Variants in MYLK observed in about 807,000 individuals in gnomAD.
MYLK encodes myosin light chain kinase.
In MYLK, 106 loss-of-function variants were observed where a neutral mutation model predicts 203.4. That is an observed-to-expected ratio of 0.52 (90% CI 0.45 to 0.61). The LOEUF is 0.61. MYLK is among the 20% of genes least tolerant of loss of function. The pLI, the probability that MYLK is intolerant of heterozygous loss-of-function variation, is 0.00. For synonymous variants in MYLK, 867 were observed against 959.5 expected, an observed-to-expected ratio of 0.90 and a Z score of 1.78; for missense variants, 2,072 against 2,442.3, an observed-to-expected ratio of 0.85 and a Z score of 3.20.
At chr3:123,649,764 T>C (rs776362417) in intron 24 of MYLK, among the ~76,000 whole-genome samples, 12 of 152,192 alleles carry the variant, frequency 7.9e-5, no homozygotes, top group Non-Finnish European at 1.6e-4. Context: ...GAAGTAACAA[T>C]TTACAAAGTG....
At chr3:123,801,879 T>G (rs1294045769) in intron 3 of MYLK, among the ~76,000 whole-genome samples, 1 of 152,206 alleles carries the variant, frequency 6.6e-6, no homozygotes, top group Admixed American at 6.5e-5. Context: ...AATAGCACTG[T>G]GAAGAACATA....
At chr3:123,701,056 G>A in intron 17 of MYLK, 51 bp from the exon 18 acceptor site, 1 of 1,356,992 alleles carries the variant, frequency 7.4e-7, no homozygotes, top group Non-Finnish European at 9.7e-7. Context: ...AAGGGGCTGG[G>A]TAAGAAAGAA....
At chr3:123,878,710 G>T (rs1364720487) in intron 1 of MYLK, among the ~76,000 whole-genome samples, 1 of 151,832 alleles carries the variant, frequency 6.6e-6, no homozygotes, top group Non-Finnish European at 1.5e-5. Flanking sequence ...TTTTTTAGAC[G>T]AAGTCTTGCT....
rs151332904 is a variant in MYLK, at chr3:123,675,304, G to A, written c.3652+6920C>T. ...AGCCTCCTGGGAAACCTGGGGCAGGGGTGGGGAGGCCAGCCTCCTAATTGT... is the reference window on the plus strand; with the variant it reads ...AGCCTCCTGGGAAACCTGGGGCAGGAGTGGGGAGGCCAGCCTCCTAATTGT... On this transcript the variant is annotated intron_variant, in intron 20 of 33. Transcript: ENST00000360304. Among the ~76,000 whole-genome samples the A allele has an allele frequency of 2.6e-3, 399 of 152,326 alleles. 3 individuals carry two copies. Among genetic ancestry groups the A allele is most frequent in the African/African-American group, 9.3e-3 (388 of 41,584 alleles).
chr3:123,657,815 G>A (rs1468712356), intron 23 of MYLK, among the ~76,000 whole-genome samples: 1 of 152,240 alleles, frequency 6.6e-6, no homozygotes, highest in Non-Finnish European at 1.5e-5. Context: ...AGTTCAGCAT[G>A]AGTGTGTGTG....
intron 20 of MYLK, among the ~76,000 whole-genome samples, chr3:123,676,245 C>G (rs2060068859): frequency 6.6e-6 from 1 of 152,206 alleles, no homozygotes; most frequent in Admixed American, 6.5e-5. Flanking sequence ...ACTATTCCTC[C>G]TCCCAGACCC....
At chr3:123,681,897 T>G (rs925637601) in intron 20 of MYLK, 3 of 379,598 alleles carry the variant, frequency 7.9e-6, no homozygotes, top group African/African-American at 6.2e-5. Context: ...GGGGAGAAAT[T>G]AGGAGGAGCT....
chr3:123,834,939 T>C (rs1041397047), intron 2 of MYLK, among the ~76,000 whole-genome samples: 1 of 152,204 alleles, frequency 6.6e-6, no homozygotes, highest in African/African-American at 2.4e-5. Flanking sequence ...ATAACGAGCC[T>C]GAAGGGTATT....
intron 2 of MYLK, among the ~76,000 whole-genome samples, chr3:123,874,530 G>A (rs776891703): frequency 1.2e-4 from 18 of 152,134 alleles, no homozygotes; most frequent in Non-Finnish European, 1.5e-4. Flanking sequence ...AATGTAAAAC[G>A]TCTTGAAGAA....
At chr3:123,805,206 A>G (rs1164106065) in intron 3 of MYLK, among the ~76,000 whole-genome samples, 1 of 152,200 alleles carries the variant, frequency 6.6e-6, no homozygotes, top group African/African-American at 2.4e-5. Context: ...ATGAGACATG[A>G]GCCAACCTGG....
rs141131535 is a variant in MYLK at position 123,752,360 on chromosome 3, C to A, written c.344G>T (p.Arg115Leu). ...TACTGTCAACTCCACTGTCACCTGGCGAGCACCACTGCCATTGGTGGCTTC... is the reference window on the plus strand; with the variant it reads ...TACTGTCAACTCCACTGTCACCTGGAGAGCACCACTGCCATTGGTGGCTTC... ...TCEATNGSGA[R>L]QVTVELTVEG... Residue 115 changes from arginine (R) to leucine (L), a missense_variant, in exon 5 of 34, where the codon CGC becomes CTC. Transcript: ENST00000360304. 3 of 1,614,006 alleles carry A rather than the reference C, an allele frequency of 1.9e-6. No individual in the cohort carries two copies. The highest frequency in any genetic ancestry group is 2.5e-6 in the Non-Finnish European group (3 of 1,180,034).
chr3:123,629,707 G>T lies in MYLK; in HGVS notation c.4962-81C>A. On this transcript the variant is annotated intron_variant, in intron 29 of 33. Transcript: ENST00000360304. This position sits in a 1 kb window ranked among gnomAD's most constrained non-coding sequence, Gnocchi z 4.4. ...GTGAGTGGTAACTGAGGTCAAAGGC[G>T]AGGGTCGGCCAGCCTCCCCACCCCC... 6.5e-7 allele frequency: 1 copy of T among 1,530,630 alleles called. No homozygotes were observed. The highest frequency in any genetic ancestry group is 1.1e-5 in the South Asian group (1 of 88,610). 94.8% of individuals were successfully genotyped at this position (1,530,630 alleles called of 1,614,324 possible).
chr3:123,647,352 T>C lies in MYLK; in HGVS notation c.4491A>G (p.Ala1497=). The C allele has an allele frequency of 6.2e-7, 1 of 1,614,256 alleles. No homozygotes were observed. Among genetic ancestry groups the C allele is most frequent in the Non-Finnish European group, 8.5e-7 (1 of 1,180,038 alleles). ...RKVWAGKFFK[A]YSAKEKENIR... is the part of the protein sequence containing the mutation. ...TATTCTCTTTCTCTTTTGCTGAATA[T>C]GCCTTGAAGAACTTCCCTGCCCAGA... The change falls in exon 27 of 34, where the codon GCA becomes GCG. Residue 1497 remains alanine, a synonymous_variant. Transcript: ENST00000360304.
intron 4 of MYLK, among the ~76,000 whole-genome samples, chr3:123,760,163 AGTATGTATGTAT>A (rs79330261): frequency 6.6e-6 from 1 of 151,862 alleles, no homozygotes; most frequent in Non-Finnish European, 1.5e-5. Context: ...TCCATGGAGA[AGTATGTATGTAT>A]GTATGTATGT....
At chr3:123,872,579 G>T (rs953261215) in intron 2 of MYLK, among the ~76,000 whole-genome samples, 4 of 152,246 alleles carry the variant, frequency 2.6e-5, no homozygotes, top group Non-Finnish European at 5.9e-5. Flanking sequence ...TGTTAGACTG[G>T]TTTACAGAAC....
chr3:123,876,312 C>T (rs1366151189), intron 2 of MYLK, among the ~76,000 whole-genome samples: 1 of 151,980 alleles, frequency 6.6e-6, no homozygotes, highest in African/African-American at 2.4e-5. Flanking sequence ...TCATATGTAA[C>T]TCTGATAGAT....
intron 3 of MYLK, among the ~76,000 whole-genome samples, chr3:123,810,991 A>G (rs924625422): frequency 4.6e-5 from 7 of 152,186 alleles, no homozygotes; most frequent in Non-Finnish European, 1.0e-4. Context: ...TGAGGCTAAC[A>G]CATGTTTCTC....
intron 20 of MYLK, among the ~76,000 whole-genome samples, chr3:123,676,822 T>C (rs1164527940): frequency 6.6e-6 from 1 of 152,256 alleles, no homozygotes; most frequent in East Asian, 1.9e-4. Flanking sequence ...ACCTGGTTTC[T>C]GTCTTCAAGG....
intron 20 of MYLK, chr3:123,681,030 T>C (rs2108447112): frequency 6.6e-6 from 1 of 152,306 alleles, no homozygotes; most frequent in African/African-American, 2.4e-5. Flanking sequence ...AGTAAATAGA[T>C]TTAATTACAT....
Sources: gnomAD v4.1 joint callset for allele counts (sites outside exome capture counted in the v4.1 genomes callset) on GRCh38, gnomAD v4.1.1 for gene constraint, Gnocchi (gnomAD v3.1) non-coding constraint, MANE v1.5 for transcripts, NCBI Gene and HGNC (gene_info 2026-07-23, HGNC 2026-07-21) for gene names.